Variants in ABRACL observed in about 807,000 individuals in gnomAD.
ABRACL encodes costars family protein ABRACL.
ABRACL carries 4 observed loss-of-function variants against 7.0 expected under a neutral mutation model. That is an observed-to-expected ratio of 0.57 (90% CI 0.28 to 1.30). The LOEUF is 1.30. ABRACL is among the 50% of genes most tolerant of loss of function. The probability of loss-of-function intolerance (pLI) is 0.10; values close to 1 mark genes in which losing one functional copy is unlikely to be tolerated. For synonymous variants in ABRACL, 30 were observed against 36.0 expected (o/e 0.83, Z 0.60); for missense variants, 104 against 97.3 (o/e 1.07, Z -0.29).
At chr6:139,029,665 G>T (rs1032264024) in intron 1 of ABRACL, among the ~76,000 whole-genome samples, 1 of 152,144 alleles carries the variant, frequency 6.6e-6, no homozygotes, top group African/African-American at 2.4e-5. Flanking sequence ...CCCCAAGCTG[G>T]TAGCAGAATG....
intron 1 of ABRACL, among the ~76,000 whole-genome samples, chr6:139,032,189 C>T (rs1786092481): frequency 6.6e-6 from 1 of 152,238 alleles, no homozygotes; most frequent in South Asian, 2.1e-4. Flanking sequence ...TGGTCTCGAT[C>T]TCCTGACCTC....
At chr6:139,034,100 T>A in intron 1 of ABRACL, 55 bp from the exon 2 acceptor site, 1 of 1,607,072 alleles carries the variant, frequency 6.2e-7, no homozygotes, top group Non-Finnish European at 8.5e-7. Context: ...TGGATTTGGA[T>A]GTGCTTAATG....
At chr6:139,036,915 T>A (rs987781588) in intron 2 of ABRACL, among the ~76,000 whole-genome samples, 3 of 152,024 alleles carry the variant, frequency 2.0e-5, no homozygotes, top group Non-Finnish European at 2.9e-5. Flanking sequence ...GCTCAGGACG[T>A]CGAGGCTGCA....
At chr6:139,031,373 A>T (rs945387760) in intron 1 of ABRACL, among the ~76,000 whole-genome samples, 13 of 152,168 alleles carry the variant, frequency 8.5e-5, no homozygotes, top group African/African-American at 3.1e-4. Flanking sequence ...GAACACAAAG[A>T]CTATTCATAT....
intron 2 of ABRACL, among the ~76,000 whole-genome samples, chr6:139,039,323 C>G (rs1165988932): frequency 1.3e-5 from 2 of 152,066 alleles, no homozygotes; most frequent in African/African-American, 4.8e-5. Flanking sequence ...AATAATGATG[C>G]TTCTTGTAAT....
At chr6:139,034,493 G>T in intron 2 of ABRACL, 2 of 1,325,308 alleles carry the variant, frequency 1.5e-6, no homozygotes, top group Non-Finnish European at 2.0e-6. Context: ...TCTTGTATTT[G>T]ACTGCATTGA....
chr6:139,034,213 G>T lies in ABRACL; in HGVS notation c.53G>T (p.Gly18Val). Residue 18 changes from glycine to valine, a missense_variant, in exon 2 of 3, where the codon GGT (glycine) becomes GTT (valine). By Grantham distance (109) the Gly-to-Val change is moderately radical. Transcript: ENST00000367660. ...NLLVEEIHRL[G>V]SKNADGKLSV... ...TTAGTGGAGGAAATTCATCGTTTGG[G>T]TTCAAAAAGTAAGTATCTGACAGAG... 1 of 1,614,166 alleles carries T rather than the reference G, an allele frequency of 6.2e-7. No individual in the cohort carries two copies. The highest frequency in any genetic ancestry group is 8.5e-7 in the Non-Finnish European group (1 of 1,180,038).
chr6:139,038,213 A>G (rs1406489563), intron 2 of ABRACL, among the ~76,000 whole-genome samples: 1 of 152,206 alleles, frequency 6.6e-6, no homozygotes, highest in African/African-American at 2.4e-5. Flanking sequence ...TAACCTTTAC[A>G]TTACTAGAAG....
intron 2 of ABRACL, among the ~76,000 whole-genome samples, chr6:139,035,278 G>A (rs1786136933): frequency 6.6e-6 from 1 of 152,158 alleles, no homozygotes; most frequent in Non-Finnish European, 1.5e-5. Flanking sequence ...GAGTTCTGTA[G>A]GTCAGGAGTT....
chr6:139,036,729 A>G (rs1786162785), intron 2 of ABRACL, among the ~76,000 whole-genome samples: 2 of 152,188 alleles, frequency 1.3e-5, no homozygotes, highest in South Asian at 2.1e-4. Flanking sequence ...CAGGCCTGTA[A>G]TCCTAGCACA....
intron 2 of ABRACL, among the ~76,000 whole-genome samples, chr6:139,035,452 A>G (rs1174628325): frequency 6.6e-6 from 1 of 151,748 alleles, no homozygotes; most frequent in Non-Finnish European, 1.5e-5. Flanking sequence ...GATTGAGTCC[A>G]CACATTGCAT....
intron 2 of ABRACL, among the ~76,000 whole-genome samples, chr6:139,041,513 G>GTATATATA (rs1554211144): frequency 2.3e-5 from 1 of 43,094 alleles, no homozygotes; most frequent in Non-Finnish European, 4.1e-5. Flanking sequence ...GTGTGTGTGT[G>GTATATATA]TATATATATA....
Position 139,043,260 on chromosome 6 carries a change from T to C in ABRACL, c.*357T>C. On this transcript the variant is annotated 3_prime_UTR_variant, in exon 3 of 3. Transcript: ENST00000367660. ...TGAAGACCAACTCCTATGAGAAATA[T>C]TATGATGTTTATGTAATAAAGACAT... The C allele has an allele frequency of 6.2e-6, 1 of 162,564 alleles. No individual in the cohort carries two copies. The highest frequency in any genetic ancestry group is 1.3e-5 in the Non-Finnish European group (1 of 75,210). The allele number at this position is 162,564 out of a possible 1,614,324, so 10.1% of individuals were successfully genotyped here. A position where few individuals can be genotyped will look rare whatever the true frequency, so the allele number is the denominator to read the frequency against.
At chr6:139,042,291 G>GCC (rs1227890363) in intron 2 of ABRACL, among the ~76,000 whole-genome samples, 6 of 152,076 alleles carry the variant, frequency 3.9e-5, no homozygotes, top group Admixed American at 2.6e-4. Context: ...TTTTTAAGGA[G>GCC]CCCCCCACTC....
At chr6:139,029,250 G>A (rs1172643362) in intron 1 of ABRACL, among the ~76,000 whole-genome samples, 1 of 152,114 alleles carries the variant, frequency 6.6e-6, no homozygotes, top group African/African-American at 2.4e-5. Flanking sequence ...GGCTGGGGGC[G>A]AGAGGAGAGG....
chr6:139,029,054 G>A (rs1786036894), intron 1 of ABRACL, among the ~76,000 whole-genome samples, 179 bp downstream of exon 1: 2 of 152,122 alleles, frequency 1.3e-5, no homozygotes, highest in Admixed American at 6.5e-5. Flanking sequence ...GGGGTCCCGT[G>A]GGGCGCGCGC....
At position 139,041,459 on chromosome 6, in the gene ABRACL, A is replaced by C. The variant is rs796810565; in HGVS notation, c.62-1260A>C. 4.5e-3 allele frequency among the ~76,000 whole-genome samples: 592 copies of C among 132,400 alleles called. 3 individuals carry two copies. Among genetic ancestry groups the C allele is most frequent in the East Asian group, 0.03 (141 of 4,776 alleles). The allele number at this position is 132,400 out of a possible 152,430, so 86.9% of individuals were successfully genotyped here. ...TCTCTCTCTCTCTCTCTCTATATAT[A>C]TATATATATATTTCTATATTTCTAT... On this transcript the variant is annotated intron_variant, in intron 2 of 2. Coordinates refer to ENST00000367660, the MANE Select transcript of ABRACL (RefSeq NM_021243.3).
At chr6:139,039,543 G>A (rs1308734391) in intron 2 of ABRACL, among the ~76,000 whole-genome samples, 1 of 152,228 alleles carries the variant, frequency 6.6e-6, no homozygotes, top group Non-Finnish European at 1.5e-5. Context: ...TCTAGAAAAG[G>A]TGGCATTTGA....
At chr6:139,029,737 C>T (rs532523066) in intron 1 of ABRACL, among the ~76,000 whole-genome samples, 1 of 152,200 alleles carries the variant, frequency 6.6e-6, no homozygotes, top group Admixed American at 6.5e-5. Flanking sequence ...CACCCTTTGA[C>T]CCGCACCAGC....
Sources: allele counts gnomAD v4.1 joint callset (sites outside exome capture counted in the v4.1 genomes callset), GRCh38; gene constraint gnomAD v4.1.1; transcripts MANE v1.5; gene names NCBI Gene and HGNC (gene_info 2026-07-23, HGNC 2026-07-21).